CC2D2B: variants seen among roughly 807,000 people sequenced by gnomAD.
CC2D2B encodes protein CC2D2B.
A neutral mutation model predicts 161.2 loss-of-function variants in CC2D2B; 128 were observed. That is an observed-to-expected ratio of 0.79 (90% confidence interval 0.69 to 0.92). CC2D2B has a LOEUF of 0.92. CC2D2B is among the 40% of genes least tolerant of loss of function. The pLI, the probability that CC2D2B is intolerant of heterozygous loss-of-function variation, is 0.00. For synonymous variants in CC2D2B, 391 were observed against 449.8 expected (o/e 0.87, Z 1.65); for missense variants, 1,173 against 1,375.1 (o/e 0.85, Z 2.32).
intron 10 of CC2D2B, among the ~76,000 whole-genome samples, chr10:95,951,688 A>G (rs763229013): frequency 5.9e-5 from 9 of 152,238 alleles, no homozygotes; most frequent in Non-Finnish European, 1.3e-4. Flanking sequence ...CCACAATATT[A>G]TAGAATCTTT....
intron 24 of CC2D2B, among the ~76,000 whole-genome samples, chr10:96,003,653 G>T (rs1055161837): frequency 6.9e-6 from 1 of 145,940 alleles, no homozygotes; most frequent in Admixed American, 6.9e-5. Flanking sequence ...ACAGGGTTTC[G>T]CCATGTTAGC....
chr10:95,981,221 C>A (rs1339854225), intron 17 of CC2D2B, among the ~76,000 whole-genome samples: 2 of 151,942 alleles, frequency 1.3e-5, no homozygotes, highest in African/African-American at 4.8e-5. Flanking sequence ...GTGAAATGCC[C>A]TCTCTACTAA....
intron 11 of CC2D2B, among the ~76,000 whole-genome samples, chr10:95,956,971 G>A (rs562892584): frequency 6.6e-6 from 1 of 152,254 alleles, no homozygotes; most frequent in African/African-American, 2.4e-5. Flanking sequence ...GATATGAAAA[G>A]CCTATATTTT....
intron 10 of CC2D2B, among the ~76,000 whole-genome samples, chr10:95,953,159 T>A (rs960931019): frequency 1.3e-5 from 2 of 152,204 alleles, no homozygotes; most frequent in African/African-American, 4.8e-5. Context: ...TATATTTTTG[T>A]CCTATTCTGT....
Position 95,912,460 on chromosome 10 carries a change from G to T in CC2D2B, c.36+1101G>T, listed in dbSNP as rs2098508070. On this transcript the variant is annotated intron_variant, in intron 2 of 34. Coordinates refer to ENST00000646931, the MANE Select transcript of CC2D2B (RefSeq NM_001349008.3). ...GAGACACAGATTTGGGAATCCATGG[G>T]AATATGTGCACCCTCCAAAGCTTTG... Among the ~76,000 whole-genome samples, 4 of 152,058 alleles carry T rather than the reference G, an allele frequency of 2.6e-5. No individual in the cohort carries two copies. In the South Asian group the frequency reaches 8.3e-4, roughly 32 times the overall value.
intron 13 of CC2D2B, 61 bp from the exon 14 acceptor site, chr10:95,966,129 G>T (rs1161544214): frequency 4.0e-6 from 3 of 748,380 alleles, no homozygotes; most frequent in Non-Finnish European, 3.7e-6. Flanking sequence ...TGAATTTTAA[G>T]AATAAATGTC....
chr10:95,922,138 A>T lies in CC2D2B; in HGVS notation c.97+62A>T. On this transcript the variant is annotated intron_variant, in intron 3 of 34. Coordinates refer to ENST00000646931, the MANE Select transcript of CC2D2B (RefSeq NM_001349008.3). ...ATTTTTATTTTTAAAGATGTAAATG[A>T]TTAATCCTGTGCCAGGGTTTCAGCT... 3.3e-6 allele frequency: 3 copies of T among 913,140 alleles called. No homozygotes were observed. In the South Asian group the frequency reaches 5.3e-5, roughly 16 times the overall value. 56.6% of individuals were successfully genotyped at this position (913,140 alleles called of 1,614,324 possible).
chr10:95,940,271 T>A (rs2075977154), intron 9 of CC2D2B, among the ~76,000 whole-genome samples: 2 of 152,248 alleles, frequency 1.3e-5, no homozygotes, highest in East Asian at 3.9e-4. Context: ...CATGATCCAA[T>A]CACTTTGTAC....
chr10:95,978,496 G>T (rs941657092), intron 17 of CC2D2B, among the ~76,000 whole-genome samples: 1 of 152,116 alleles, frequency 6.6e-6, no homozygotes, highest in South Asian at 2.1e-4. Flanking sequence ...AGCTGAGACT[G>T]TAGGCAGGTG....
chr10:96,025,155 AT>A (rs201344477), intron 33 of CC2D2B, among the ~76,000 whole-genome samples: 15,367 of 41,026 alleles, frequency 0.37, 2,082 homozygotes, highest in Middle Eastern at 0.53. Flanking sequence ...CTAAAAAAAA[AT>A]ATATATATAT....
intron 11 of CC2D2B, among the ~76,000 whole-genome samples, chr10:95,961,104 C>T (rs1449572572): frequency 6.6e-6 from 1 of 152,110 alleles, no homozygotes; most frequent in African/African-American, 2.4e-5. Flanking sequence ...TAGTGAAGTG[C>T]CAACCAGAAA....
chr10:95,917,703 T>TC (rs1487585313), intron 2 of CC2D2B, among the ~76,000 whole-genome samples: 4 of 152,172 alleles, frequency 2.6e-5, no homozygotes, highest in African/African-American at 9.7e-5. Context: ...TTTAACTTTA[T>TC]CCCCCCTGCT....
chr10:96,019,016 A>G (rs912894358), intron 30 of CC2D2B, 187 bp from the exon 31 acceptor site: 3 of 497,376 alleles, frequency 6.0e-6, no homozygotes, highest in African/African-American at 3.9e-5. Flanking sequence ...TATGTTGCCC[A>G]GGCTGGTCTC....
intron 33 of CC2D2B, 148 bp downstream of exon 33, chr10:96,025,059 A>G (rs1043146560): frequency 2.7e-6 from 1 of 371,900 alleles, no homozygotes; most frequent in Non-Finnish European, 4.8e-6. Context: ...CTATAATCGC[A>G]GTTCTCTGGG....
chr10:96,026,558 G>A (rs1275737895), intron 33 of CC2D2B, among the ~76,000 whole-genome samples: 1 of 152,160 alleles, frequency 6.6e-6, no homozygotes, highest in Non-Finnish European at 1.5e-5. Flanking sequence ...AGTCAAGGGA[G>A]GGTCTTGAAG....
Position 96,027,193 on chromosome 10 carries a change from C to CT in CC2D2B, c.3948-16dup. 1 of 1,471,880 alleles carries CT rather than the reference C, an allele frequency of 6.8e-7. No individual in the cohort carries two copies. Among genetic ancestry groups the CT allele is most frequent in the Non-Finnish European group, 9.1e-7 (1 of 1,104,214 alleles). 91.2% of individuals were successfully genotyped at this position (1,471,880 alleles called of 1,614,324 possible). On this transcript the variant is annotated intron_variant, in intron 33 of 34. Coordinates refer to ENST00000646931, the MANE Select transcript of CC2D2B (RefSeq NM_001349008.3). ...GAGTTATAACTTGTCATAAAATTAC[C>CT]TTTGGATTCTTACCTTAGGATCGAA...
chr10:95,981,307 G>A (rs954013848), intron 17 of CC2D2B, among the ~76,000 whole-genome samples: 13 of 149,150 alleles, frequency 8.7e-5, no homozygotes, highest in Admixed American at 3.4e-4. Context: ...CATGAGAATC[G>A]CTTTGAACCT....
At chr10:96,027,123 C>CAAAA in intron 33 of CC2D2B, 89 bp from the exon 34 acceptor site, 1 of 780,504 alleles carries the variant, frequency 1.3e-6, no homozygotes. Flanking sequence ...GACTTCGTCT[C>CAAAA]AAAAAAAAAA....
At chr10:95,938,345 G>T (rs983289373) in intron 7 of CC2D2B, 156 bp downstream of exon 7, 4 of 620,722 alleles carry the variant, frequency 6.4e-6, no homozygotes, top group Non-Finnish European at 8.5e-6. Context: ...TAAGGGAACT[G>T]ATTAAGAGAA....
Sources: gnomAD v4.1 joint callset for allele counts (sites outside exome capture counted in the v4.1 genomes callset) on GRCh38, gnomAD v4.1.1 for gene constraint, MANE v1.5 for transcripts, NCBI Gene and HGNC (gene_info 2026-07-23, HGNC 2026-07-21) for gene names.